The following NPAS3 variants were observed in gnomAD, a reference collection of about 807,000 sequenced individuals.
The protein encoded by NPAS3 is neuronal PAS domain protein 3.
In NPAS3, 14 loss-of-function variants were observed where a neutral mutation model predicts 73.1. That is an observed-to-expected ratio of 0.19 (90% confidence interval 0.13 to 0.30). NPAS3 has a LOEUF of 0.30. Ranked by LOEUF, NPAS3 falls within the 10% of genes least tolerant of loss-of-function variation. The pLI is 1.00. For missense variants in NPAS3, 1,096 were observed against 1,250.0 expected (o/e 0.88, Z 1.86); for synonymous variants, 620 against 541.5 (o/e 1.14, Z -2.01).
chr14:33,232,510 A>G (rs2047888746), intron 3 of NPAS3, among the ~76,000 whole-genome samples: 1 of 152,086 alleles, frequency 6.6e-6, no homozygotes, highest in Admixed American at 6.6e-5. Flanking sequence ...TAATCTCCCA[A>G]TATCTTTAGT....
At chr14:33,375,756 AT>A (rs1490582449) in intron 4 of NPAS3, among the ~76,000 whole-genome samples, 1 of 152,156 alleles carries the variant, frequency 6.6e-6, no homozygotes, top group African/African-American at 2.4e-5. Flanking sequence ...TTAACTCACA[AT>A]TTCTATTAGT....
intron 3 of NPAS3, among the ~76,000 whole-genome samples, chr14:33,309,019 C>CAGCTA (rs1566783104): frequency 6.6e-6 from 1 of 152,036 alleles, no homozygotes; most frequent in East Asian, 1.9e-4. Context: ...TTAGATGAGC[C>CAGCTA]AGCTATCACA....
At chr14:33,185,384 T>G (rs2045942658) in intron 2 of NPAS3, among the ~76,000 whole-genome samples, 1 of 152,160 alleles carries the variant, frequency 6.6e-6, no homozygotes, top group South Asian at 2.1e-4. Context: ...GTTCAGATAA[T>G]GAAAAATGGC....
chr14:33,408,408 C>G (rs2047762890), intron 4 of NPAS3, among the ~76,000 whole-genome samples: 2 of 152,002 alleles, frequency 1.3e-5, no homozygotes, highest in South Asian at 4.2e-4. Context: ...TCTCTCATGC[C>G]ATACACATGG....
intron 7 of NPAS3, among the ~76,000 whole-genome samples, chr14:33,758,350 T>C (rs1432371964): frequency 2.0e-5 from 3 of 152,200 alleles, no homozygotes; most frequent in Non-Finnish European, 4.4e-5. Flanking sequence ...GCCTCCTCCC[T>C]GAAAGGCTCG....
At chr14:33,560,454 C>T (rs2055587555) in intron 5 of NPAS3, 2 of 350,170 alleles carry the variant, frequency 5.7e-6, no homozygotes, top group Admixed American at 4.3e-5. Context: ...ATTAATTTAT[C>T]GAGAACAAAT....
At chr14:33,218,094 C>A (rs2047291535) in intron 3 of NPAS3, among the ~76,000 whole-genome samples, 1 of 152,114 alleles carries the variant, frequency 6.6e-6, no homozygotes, top group Non-Finnish European at 1.5e-5. Context: ...CACGTTGTTG[C>A]AGTTTCTGGA....
chr14:33,201,997 C>A (rs954190601), intron 2 of NPAS3, among the ~76,000 whole-genome samples: 1 of 152,146 alleles, frequency 6.6e-6, no homozygotes, highest in Non-Finnish European at 1.5e-5. Flanking sequence ...TATTATGATA[C>A]AATCTTTTGT....
chr14:33,616,237 T>C (rs2057913437), intron 5 of NPAS3, among the ~76,000 whole-genome samples: 1 of 152,226 alleles, frequency 6.6e-6, no homozygotes, highest in Non-Finnish European at 1.5e-5. Context: ...CGATGCATTC[T>C]GTCGAGGCCA....
At chr14:33,331,722 C>A (rs936912851) in intron 3 of NPAS3, among the ~76,000 whole-genome samples, 1 of 152,184 alleles carries the variant, frequency 6.6e-6, no homozygotes, top group African/African-American at 2.4e-5. Context: ...AAAAGGGCTT[C>A]TCTATGAATA....
chr14:33,469,672 A>G (rs1430168276), intron 4 of NPAS3, among the ~76,000 whole-genome samples: 1 of 152,182 alleles, frequency 6.6e-6, no homozygotes, highest in Non-Finnish European at 1.5e-5. Flanking sequence ...TTTTTAAGAC[A>G]GGCTGTTGAT....
chr14:33,489,993 A>G (rs1326748708), intron 4 of NPAS3, among the ~76,000 whole-genome samples: 1 of 152,104 alleles, frequency 6.6e-6, no homozygotes, highest in Non-Finnish European at 1.5e-5. Flanking sequence ...TTAGAAATGC[A>G]TTGTTTTCAC....
chr14:33,748,243 G>T (rs1595546047), intron 7 of NPAS3, among the ~76,000 whole-genome samples: 2 of 152,290 alleles, frequency 1.3e-5, no homozygotes, highest in South Asian at 2.1e-4. Flanking sequence ...ATGAGAATAT[G>T]TAGCCAATGG....
chr14:33,465,367 T>TA (rs1251241252), intron 4 of NPAS3, among the ~76,000 whole-genome samples: 1 of 152,094 alleles, frequency 6.6e-6, no homozygotes, highest in African/African-American at 2.4e-5. Flanking sequence ...ATTCTCAGAG[T>TA]AAAAAAGTTT....
chr14:33,556,008 C>A (rs1198122463), intron 4 of NPAS3, among the ~76,000 whole-genome samples: 1 of 151,816 alleles, frequency 6.6e-6, no homozygotes, highest in Non-Finnish European at 1.5e-5. Context: ...GACTGGATGT[C>A]TTTGTGTCAT....
At chr14:33,120,920 C>T (rs989241147) in intron 2 of NPAS3, among the ~76,000 whole-genome samples, 4 of 152,216 alleles carry the variant, frequency 2.6e-5, no homozygotes, top group South Asian at 2.1e-4. Flanking sequence ...AATTCACATG[C>T]GCAAACTCTA....
At chr14:33,094,341 A>C (rs2042333172) in intron 2 of NPAS3, among the ~76,000 whole-genome samples, 1 of 152,192 alleles carries the variant, frequency 6.6e-6, no homozygotes, top group African/African-American at 2.4e-5. Context: ...ATTATCTTTA[A>C]AAATATCTTC....
intron 5 of NPAS3, among the ~76,000 whole-genome samples, chr14:33,631,340 C>G (rs962754097): frequency 2.0e-5 from 3 of 152,138 alleles, no homozygotes; most frequent in Non-Finnish European, 4.4e-5. Context: ...TTTGTGTGCA[C>G]CTGGATTGTA....
At chr14:32,996,487 C>T (rs2038577360) in intron 1 of NPAS3, among the ~76,000 whole-genome samples, 1 of 152,118 alleles carries the variant, frequency 6.6e-6, no homozygotes, top group African/African-American at 2.4e-5. Flanking sequence ...GGCCCAGAGG[C>T]CTAGGAGGAA....
Sources: allele counts gnomAD v4.1 joint callset (sites outside exome capture counted in the v4.1 genomes callset), GRCh38; gene constraint gnomAD v4.1.1; transcripts MANE v1.5; gene names NCBI Gene and HGNC (gene_info 2026-07-23, HGNC 2026-07-21).